Variants in GAP43 observed in about 807,000 individuals in gnomAD.
GAP43 encodes the protein neuromodulin.
A neutral mutation model predicts 18.6 loss-of-function variants in GAP43; 6 were observed. The ratio of observed to expected loss-of-function variants is 0.32; its 90% CI spans 0.18 to 0.64. The LOEUF (loss-of-function observed/expected upper bound fraction) is 0.64, where lower values mean the gene tolerates loss of function less well. Ranked by LOEUF, GAP43 falls within the 30% of genes least tolerant of loss-of-function variation. The probability of loss-of-function intolerance (pLI) is 0.78; values close to 1 mark genes in which losing one functional copy is unlikely to be tolerated. For synonymous variants in GAP43, 115 were observed against 111.4 expected (o/e 1.03, Z -0.20); for missense variants, 292 against 295.5 (o/e 0.99, Z 0.09).
intron 2 of GAP43, among the ~76,000 whole-genome samples, chr3:115,715,013 T>C (rs1313975232): frequency 6.6e-6 from 1 of 152,224 alleles, no homozygotes; most frequent in Non-Finnish European, 1.5e-5. Context: ...TGTCCTCACA[T>C]GGTAGAAGAG....
At chr3:115,626,714 T>C (rs1468951169) in intron 1 of GAP43, among the ~76,000 whole-genome samples, 2 of 152,170 alleles carry the variant, frequency 1.3e-5, no homozygotes, top group South Asian at 2.1e-4. Context: ...TAGTTTGTAA[T>C]TGAAGTGTAA....
Position 115,698,139 on chromosome 3 carries a change from T to A in GAP43, c.628+21529T>A, listed in dbSNP as rs867491293. 5.4e-3 allele frequency among the ~76,000 whole-genome samples: 79 copies of A among 14,572 alleles called. 1 individual carries two copies. In the East Asian group the frequency reaches 0.07, roughly 13 times the overall value. 9.6% of individuals were successfully genotyped at this position (14,572 alleles called of 152,430 possible). On this transcript the variant is annotated intron_variant, in intron 2 of 2. Coordinates refer to ENST00000305124, the MANE Select transcript of GAP43 (RefSeq NM_002045.4). ...TAATATATATTATATATAATATATA[T>A]AATATATATTATATATAATATATAA... is the stretch of plus-strand genomic sequence containing the variant.
chr3:115,669,421 T>G lies in GAP43; in HGVS notation c.31-6592T>G, dbSNP rs532317498. Among the ~76,000 whole-genome samples the G allele has an allele frequency of 2.0e-5, 3 of 152,334 alleles. No homozygotes were observed. The East Asian group carries it at 5.8e-4, about 29-fold the overall frequency. ...CTAATGGAGATGCTCAGATTTTGGA[T>G]TCATCCAATAAATATTAATTGAGCA... On this transcript the variant is annotated intron_variant, in intron 1 of 2. Coordinates refer to ENST00000305124, the MANE Select transcript of GAP43 (RefSeq NM_002045.4).
chr3:115,701,657 A>T lies in GAP43; in HGVS notation c.629-19137A>T, dbSNP rs532937627. On this transcript the variant is annotated intron_variant, in intron 2 of 2. Coordinates refer to ENST00000305124, the MANE Select transcript of GAP43 (RefSeq NM_002045.4). Reference sequence around the variant, plus strand: ...ATTGTTGGCTGACAGATTTCCCCAAATGTCCATGGTTGATTTACATTGGAC... The same window carrying T: ...ATTGTTGGCTGACAGATTTCCCCAATTGTCCATGGTTGATTTACATTGGAC... 2.6e-5 allele frequency among the ~76,000 whole-genome samples: 4 copies of T among 152,114 alleles called. 1 individual carries two copies. In the South Asian group the frequency reaches 8.3e-4, roughly 32 times the overall value.
chr3:115,646,313 A>G (rs1226295595), intron 1 of GAP43, among the ~76,000 whole-genome samples: 1 of 152,104 alleles, frequency 6.6e-6, no homozygotes, highest in Non-Finnish European at 1.5e-5. Flanking sequence ...GTCATTTCCT[A>G]GGTTTGCTTT....
At chr3:115,675,228 C>T (rs1708865956) in intron 1 of GAP43, among the ~76,000 whole-genome samples, 1 of 152,166 alleles carries the variant, frequency 6.6e-6, no homozygotes, top group South Asian at 2.1e-4. Context: ...CATGCCACTA[C>T]ACCCATCTAA....
At chr3:115,701,033 G>A (rs953077480) in intron 2 of GAP43, among the ~76,000 whole-genome samples, 4 of 152,016 alleles carry the variant, frequency 2.6e-5, no homozygotes, top group Admixed American at 2.0e-4. Flanking sequence ...AAATCCCAAG[G>A]AAAGCTATGT....
intron 1 of GAP43, among the ~76,000 whole-genome samples, chr3:115,673,316 T>C (rs759672386): frequency 5.3e-5 from 8 of 152,212 alleles, no homozygotes; most frequent in Non-Finnish European, 8.8e-5. Flanking sequence ...ATGTAGACTC[T>C]CAGCTTCCTT....
In GAP43 at chr3:115,688,214, C is replaced by T. The variant is rs538838510; in HGVS notation, c.628+11604C>T. Among the ~76,000 whole-genome samples, 6 of 152,084 alleles carry T rather than the reference C, an allele frequency of 3.9e-5. No homozygotes were observed. In the South Asian group the frequency reaches 8.3e-4, roughly 21 times the overall value. ...TGGATTTTTGGTAGAGATGAGGTTT[C>T]GCCATGTTGGTTTCACCAGGTCTCA... On this transcript the variant is annotated intron_variant, in intron 2 of 2. Transcript: ENST00000305124.
chr3:115,657,593 C>A (rs1559793636), intron 1 of GAP43, among the ~76,000 whole-genome samples: 2 of 152,126 alleles, frequency 1.3e-5, no homozygotes, highest in Non-Finnish European at 2.9e-5. Flanking sequence ...CTATCAGGTA[C>A]AAGTATGGCC....
At chr3:115,649,403 G>A (rs1708496635) in intron 1 of GAP43, among the ~76,000 whole-genome samples, 1 of 152,050 alleles carries the variant, frequency 6.6e-6, no homozygotes, top group South Asian at 2.1e-4. Flanking sequence ...CCATAACAGT[G>A]TCGAATGGAG....
chr3:115,701,489 G>A (rs999682505), intron 2 of GAP43, among the ~76,000 whole-genome samples: 1 of 151,922 alleles, frequency 6.6e-6, no homozygotes, highest in Admixed American at 6.6e-5. Flanking sequence ...CCATTAACTA[G>A]ACTTCTGCTT....
At position 115,644,668 on chromosome 3, in the gene GAP43, C is replaced by A. The variant is rs536251660; in HGVS notation, c.30+20949C>A. 5.9e-5 allele frequency among the ~76,000 whole-genome samples: 9 copies of A among 152,104 alleles called. No homozygotes were observed. In the East Asian group the frequency reaches 1.7e-3, roughly 29 times the overall value. ...AGCTAAAATGCTGCATATTTCTTTT[C>A]TCAGCATCAGTGATTTATAAATAGA... On this transcript the variant is annotated intron_variant, in intron 1 of 2. Coordinates refer to ENST00000305124, the MANE Select transcript of GAP43 (RefSeq NM_002045.4). This position sits in a 1 kb window ranked among gnomAD's most constrained non-coding sequence, Gnocchi z 4.2.
chr3:115,653,285 C>G (rs1483052612), intron 1 of GAP43, among the ~76,000 whole-genome samples: 1 of 151,760 alleles, frequency 6.6e-6, no homozygotes, highest in Admixed American at 6.6e-5. Flanking sequence ...ACTAAAATTA[C>G]AAAAAAATTA....
At chr3:115,683,147 G>GCGCGCGCGCGCACACACA (rs1252333447) in intron 2 of GAP43, among the ~76,000 whole-genome samples, 14 of 127,394 alleles carry the variant, frequency 1.1e-4, no homozygotes, top group Admixed American at 3.2e-4. Flanking sequence ...GCGCGCGCGC[G>GCGCGCGCGCGCACACACA]CACACACACA....
At chr3:115,695,411 C>T (rs1039507710) in intron 2 of GAP43, among the ~76,000 whole-genome samples, 4 of 152,078 alleles carry the variant, frequency 2.6e-5, no homozygotes, top group African/African-American at 9.7e-5. Flanking sequence ...TCCAAGGACC[C>T]CAACTTTTTA....
chr3:115,626,351 G>C (rs146317710), intron 1 of GAP43, among the ~76,000 whole-genome samples: 1 of 152,112 alleles, frequency 6.6e-6, no homozygotes, highest in Non-Finnish European at 1.5e-5. Context: ...CCACTTGAGC[G>C]GCATAAAGAA....
intron 2 of GAP43, among the ~76,000 whole-genome samples, chr3:115,712,168 A>G (rs1709448775): frequency 6.6e-6 from 1 of 152,156 alleles, no homozygotes; most frequent in East Asian, 1.9e-4. Flanking sequence ...TTCTCCATTC[A>G]GAAAAAAACA....
intron 2 of GAP43, among the ~76,000 whole-genome samples, chr3:115,696,567 TG>T (rs1709191997): frequency 9.2e-6 from 1 of 108,890 alleles, no homozygotes; most frequent in Non-Finnish European, 1.7e-5. Context: ...ATTTCCTTGC[TG>T]CCCCCCACCG....
Sources: gnomAD v4.1 joint callset for allele counts (sites outside exome capture counted in the v4.1 genomes callset) on GRCh38, gnomAD v4.1.1 for gene constraint, Gnocchi (gnomAD v3.1) non-coding constraint, MANE v1.5 for transcripts, NCBI Gene and HGNC (gene_info 2026-07-23, HGNC 2026-07-21) for gene names.